Variants in BDKRB2 observed in about 807,000 individuals in gnomAD.
BDKRB2 encodes B2 bradykinin receptor.
A neutral mutation model predicts 4.0 loss-of-function variants in BDKRB2; 6 were observed. The observed-to-expected ratio is 1.49, with a 90% CI of 0.81 to 2.93. The LOEUF is 2.93. Among genes scored for constraint, BDKRB2 ranks in the 30% most tolerant of loss-of-function variants. The pLI, the probability that BDKRB2 is intolerant of heterozygous loss-of-function variation, is 0.00. For synonymous variants in BDKRB2, 225 were observed against 215.3 expected, an observed-to-expected ratio of 1.05 and a Z score of -0.40; for missense variants, 478 against 520.1, an observed-to-expected ratio of 0.92 and a Z score of 0.79.
intron 1 of BDKRB2, among the ~76,000 whole-genome samples, chr14:96,213,788 C>G (rs1890357142): frequency 6.6e-6 from 1 of 152,062 alleles, no homozygotes; most frequent in Non-Finnish European, 1.5e-5. Context: ...AGTATCCCCC[C>G]CGACAAACCT....
At position 96,240,742 on chromosome 14, in the gene BDKRB2, C is replaced by T; in HGVS notation, c.414C>T (p.Ser138=). ...TLCRVVNAII[S]MNLYSSICFL... is the part of the protein sequence containing the mutation. ...GCCGCGTGGTGAATGCCATTATCTC[C>T]ATGAACCTGTACAGCAGCATCTGTT... is the stretch of plus-strand genomic sequence containing the variant. The change falls in exon 3 of 3, where the codon TCC becomes TCT. Residue 138 remains serine (S), a synonymous_variant. Transcript: ENST00000554311. 1 of 1,594,342 alleles carries T rather than the reference C, an allele frequency of 6.3e-7. No individual in the cohort carries two copies. Among genetic ancestry groups the T allele is most frequent in the Non-Finnish European group, 8.5e-7 (1 of 1,171,340 alleles).
rs1885256920 is a variant in BDKRB2 at position 96,240,653 on chromosome 14, G to A, written c.325G>A (p.Gly109Arg). ...CGCAGCAGACCTGATCCTGGCCTGCGGGCTGCCCTTCTGGGCCATCACCAT... is the reference window on the plus strand; with the variant it reads ...CGCAGCAGACCTGATCCTGGCCTGCAGGCTGCCCTTCTGGGCCATCACCAT... ...LAAADLILAC[G>R]LPFWAITISN... The change falls in exon 3 of 3, where the codon GGG becomes AGG. Residue 109 changes from glycine (G) to arginine (R), a missense_variant. Coordinates refer to ENST00000554311, the MANE Select transcript of BDKRB2 (RefSeq NM_001379692.1). 7 of 1,573,564 alleles carry A rather than the reference G, an allele frequency of 4.4e-6. No individual in the cohort carries two copies. The highest frequency in any genetic ancestry group is 1.2e-5 in the South Asian group (1 of 82,524).
chr14:96,237,475 T>G (rs765484895), intron 2 of BDKRB2, among the ~76,000 whole-genome samples: 1 of 152,164 alleles, frequency 6.6e-6, no homozygotes, highest in Non-Finnish European at 1.5e-5. Context: ...GAGTTAAACA[T>G]TAAAGTAAAT....
At position 96,241,731 on chromosome 14, in the gene BDKRB2, C is replaced by G. The variant is rs1297035693; in HGVS notation, c.*227C>G. ...ACAGCCAAGGACTCCAAAATCACAA[C>G]AGCATTACTGTTCTTATTTGCTGCC... On this transcript the variant is annotated 3_prime_UTR_variant, in exon 3 of 3. Transcript: ENST00000554311. 3 of 585,022 alleles carry G rather than the reference C, an allele frequency of 5.1e-6. No individual in the cohort carries two copies. In the East Asian group the frequency reaches 9.9e-5, roughly 19 times the overall value. 36.2% of individuals were successfully genotyped at this position (585,022 alleles called of 1,614,324 possible).
At chr14:96,239,312 C>T in intron 2 of BDKRB2, 2 of 974,772 alleles carry the variant, frequency 2.1e-6, no homozygotes, top group Non-Finnish European at 2.4e-6. Flanking sequence ...GAGAGCAATA[C>T]CCTACTCCAA....
At chr14:96,239,467 T>G (rs1885209613) in intron 2 of BDKRB2, 17 of 985,370 alleles carry the variant, frequency 1.7e-5, no homozygotes, top group Non-Finnish European at 1.9e-5. Flanking sequence ...GTGCCTGCCC[T>G]ATGGTCTGTG....
Position 96,241,677 on chromosome 14 carries a change from A to G in BDKRB2, c.*173A>G. The G allele has an allele frequency of 8.7e-7, 1 of 1,151,860 alleles. No individual in the cohort carries two copies. Among genetic ancestry groups the G allele is most frequent in the East Asian group, 2.7e-5 (1 of 36,824 alleles). The allele number at this position is 1,151,860 out of a possible 1,614,324, so 71.4% of individuals were successfully genotyped here. ...TGCCCTGCCCAATTTTGCAGGGAGCATGGCTGTGAGGATGGGGTGAACTCA... is the reference window on the plus strand; with the variant it reads ...TGCCCTGCCCAATTTTGCAGGGAGCGTGGCTGTGAGGATGGGGTGAACTCA... On this transcript the variant is annotated 3_prime_UTR_variant, in exon 3 of 3. Coordinates refer to ENST00000554311, the MANE Select transcript of BDKRB2 (RefSeq NM_001379692.1).
At position 96,226,085 on chromosome 14, in the gene BDKRB2, C is replaced by A. The variant is rs192060097; in HGVS notation, c.-39-10984C>A. Among the ~76,000 whole-genome samples, 12 of 152,300 alleles carry A rather than the reference C, an allele frequency of 7.9e-5. 1 individual carries two copies. The highest frequency in any genetic ancestry group is 2.6e-4 in the African/African-American group (11 of 41,566). ...ACACACCCTCTTCCAGACCTGCAGC[C>A]TTCCTTTCTATGTGGTTTTTGGTTT... On this transcript the variant is annotated intron_variant, in intron 1 of 2. Transcript: ENST00000554311.
At chr14:96,223,109 T>G (rs1890612060) in intron 1 of BDKRB2, 2 of 1,242,518 alleles carry the variant, frequency 1.6e-6, no homozygotes, top group African/African-American at 1.5e-5. Context: ...CGAGCGATCA[T>G]GTCACACAAA....
At position 96,242,926 on chromosome 14, in the gene BDKRB2, GCACT is replaced by G. The variant is rs1173911303; in HGVS notation, c.*1425_*1428del. The G allele has an allele frequency of 6.6e-6, 1 of 152,622 alleles. No homozygotes were observed. The highest frequency in any genetic ancestry group is 1.5e-5 in the Non-Finnish European group (1 of 68,392). 9.5% of individuals were successfully genotyped at this position (152,622 alleles called of 1,614,324 possible). A position where few individuals can be genotyped will look rare whatever the true frequency, so the allele number is the denominator to read the frequency against. On this transcript the variant is annotated 3_prime_UTR_variant, in exon 3 of 3. Transcript: ENST00000554311. Reference sequence around the variant, plus strand: ...GTTCACCATCGGCAGTGCCAGGGCAGCACTCATTCACTTGATAAATGAATATTTA... The same window carrying G: ...GTTCACCATCGGCAGTGCCAGGGCAGCATTCACTTGATAAATGAATATTTA...
chr14:96,216,524 G>A (rs1363833828), intron 1 of BDKRB2, among the ~76,000 whole-genome samples: 2 of 76,302 alleles, frequency 2.6e-5, no homozygotes, highest in African/African-American at 8.8e-5. Flanking sequence ...TTGGAAGGAT[G>A]AGGTGGGAGG....
At position 96,237,738 on chromosome 14, in the gene BDKRB2, G is replaced by A. The variant is rs146133866; in HGVS notation, c.74+557G>A. 6.8e-4 allele frequency: 881 copies of A among 1,289,658 alleles called. 2 individuals are homozygous for A. The African/African-American group carries it at 0.012, about 17-fold the overall frequency. The allele number at this position is 1,289,658 out of a possible 1,614,324, so 79.9% of individuals were successfully genotyped here. A position where few individuals can be genotyped will look rare whatever the true frequency, so the allele number is the denominator to read the frequency against. The stretch of plus-strand genomic sequence containing the variant: ...CAGGTGCTGCCTATGATGAAGATGA[G>A]CAGATGGCCATCTCAGCTGGGGCCA... On this transcript the variant is annotated intron_variant, in intron 2 of 2. Transcript: ENST00000554311.
intron 1 of BDKRB2, among the ~76,000 whole-genome samples, chr14:96,220,150 A>G (rs1424192981): frequency 1.3e-5 from 2 of 152,064 alleles, no homozygotes; most frequent in African/African-American, 2.4e-5. Flanking sequence ...ACCCTTGTCC[A>G]GAAGTCCCCA....
In BDKRB2 at chr14:96,241,644, C is replaced by A; in HGVS notation, c.*140C>A. On this transcript the variant is annotated 3_prime_UTR_variant, in exon 3 of 3. Transcript: ENST00000554311. ...GATGTCTCCGGTAAAACACCGGAGA[C>A]TAATTCCTGCCCTGCCCAATTTTGC... is the stretch of plus-strand genomic sequence containing the variant. 7.3e-7 allele frequency: 1 copy of A among 1,374,612 alleles called. No individual in the cohort carries two copies. Among genetic ancestry groups the A allele is most frequent in the Non-Finnish European group, 9.4e-7 (1 of 1,058,370 alleles). 85.2% of individuals were successfully genotyped at this position (1,374,612 alleles called of 1,614,324 possible).
At chr14:96,239,468 A>G (rs1885209698) in intron 2 of BDKRB2, 6 of 985,276 alleles carry the variant, frequency 6.1e-6, no homozygotes, top group South Asian at 4.7e-5. Flanking sequence ...TGCCTGCCCT[A>G]TGGTCTGTGA....
chr14:96,218,780 G>A (rs1416632279), intron 1 of BDKRB2, among the ~76,000 whole-genome samples: 1 of 151,922 alleles, frequency 6.6e-6, no homozygotes, highest in Non-Finnish European at 1.5e-5. Flanking sequence ...TTAGCCAGGT[G>A]TGGTAGCTCA....
At chr14:96,223,329 C>CAA (rs1890619909) in intron 1 of BDKRB2, 1 of 1,037,810 alleles carries the variant, frequency 9.6e-7, no homozygotes. Context: ...GCCCACCACC[C>CAA]AAGAAGCCAA....
At chr14:96,208,714 A>G (rs1434564172) in intron 1 of BDKRB2, among the ~76,000 whole-genome samples, 2 of 151,802 alleles carry the variant, frequency 1.3e-5, no homozygotes, top group Non-Finnish European at 2.9e-5. Flanking sequence ...ACATGCACAC[A>G]CTCCTGTGTC....
intron 1 of BDKRB2, among the ~76,000 whole-genome samples, chr14:96,230,638 G>C (rs1479553797): frequency 7.2e-6 from 1 of 139,314 alleles, no homozygotes; most frequent in Non-Finnish European, 1.5e-5. Context: ...TTTTTTTTGA[G>C]ATGGAGTCTC....
Sources: gnomAD v4.1 joint callset for allele counts (sites outside exome capture counted in the v4.1 genomes callset) on GRCh38, gnomAD v4.1.1 for gene constraint, MANE v1.5 for transcripts, NCBI Gene and HGNC (gene_info 2026-07-23, HGNC 2026-07-21) for gene names.